The following FER1L5 variants were observed in gnomAD, a reference collection of about 807,000 sequenced individuals.
FER1L5 encodes fer-1-like protein 5.
A neutral mutation model predicts 279.9 loss-of-function variants in FER1L5; 187 were observed. That is an observed-to-expected ratio of 0.67 (90% CI 0.59 to 0.75). The LOEUF (loss-of-function observed/expected upper bound fraction) is 0.75. FER1L5 is among the 30% of genes least tolerant of loss of function. FER1L5 has a pLI of 0.00. For missense variants in FER1L5, 2,091 were observed against 2,594.4 expected (o/e 0.81, Z 4.21); for synonymous variants, 921 against 989.7 (o/e 0.93, Z 1.30).
chr2:96,673,133 G>C lies in FER1L5; in HGVS notation c.1548G>C (p.Met516Ile). 1 of 1,551,590 alleles carries C rather than the reference G, an allele frequency of 6.4e-7. No homozygotes were observed. Among genetic ancestry groups the C allele is most frequent in the East Asian group, 2.4e-5 (1 of 40,924 alleles). The change falls in exon 19 of 53, where the codon ATG becomes ATC. Residue 516 changes from methionine (M) to isoleucine (I), a missense_variant. Coordinates refer to ENST00000624922, the MANE Select transcript of FER1L5 (RefSeq NM_001293083.2). Reference protein sequence around the residue: ...GLCVIFLSCTMMPNFKELIHF... With the variant: ...GLCVIFLSCTIMPNFKELIHF... ...GCGTCATCTTCCTTTCCTGTACCATGATGCCCAACTTTAAAGAGCTGATCC... is the reference window on the plus strand; with the variant it reads ...GCGTCATCTTCCTTTCCTGTACCATCATGCCCAACTTTAAAGAGCTGATCC...
chr2:96,698,919 G>A lies in FER1L5; in HGVS notation c.4518+87G>A. On this transcript the variant is annotated intron_variant, in intron 41 of 52. Coordinates refer to ENST00000624922, the MANE Select transcript of FER1L5 (RefSeq NM_001293083.2). This position sits in a 1 kb window ranked among gnomAD's most constrained non-coding sequence, Gnocchi z 5.5. ...AGCCCCCTCCGACTGCTGACACACA[G>A]AATGCCAACTCCCCATAGGCTCCGT... 1 of 1,532,052 alleles carries A rather than the reference G, an allele frequency of 6.5e-7. No homozygotes were observed. Among genetic ancestry groups the A allele is most frequent in the Non-Finnish European group, 8.8e-7 (1 of 1,131,098 alleles). 94.9% of individuals were successfully genotyped at this position (1,532,052 alleles called of 1,614,324 possible).
Position 96,651,986 on chromosome 2 carries a change from G to A in FER1L5, c.599G>A (p.Arg200His), listed in dbSNP as rs928481263. ...ATCGCAGGCCAGCAGCACCAGACAC[G>A]CATCAAGATGGGAAACAACCCTTTC... Reference protein sequence around the residue: ...VSIAGQQHQTRIKMGNNPFFN... With the variant: ...VSIAGQQHQTHIKMGNNPFFN... The change falls in exon 7 of 53, where the codon CGC becomes CAC. Residue 200 changes from arginine (R) to histidine (H), a missense_variant. Transcript: ENST00000624922. 1.5e-5 allele frequency: 24 copies of A among 1,551,678 alleles called. No individual in the cohort carries two copies. The highest frequency in any genetic ancestry group is 1.7e-5 in the Non-Finnish European group (20 of 1,147,012).
In FER1L5 at chr2:96,659,683, A is replaced by G. The variant is rs544790515; in HGVS notation, c.748-658A>G. On this transcript the variant is annotated intron_variant, in intron 9 of 52. Transcript: ENST00000624922. The stretch of plus-strand genomic sequence containing the variant: ...ATTTTTTGTATTTTTAGTAGAGACA[A>G]GGTTTCACTGCGTTAGCCAGGATGG... 6.0e-5 allele frequency among the ~76,000 whole-genome samples: 9 copies of G among 148,972 alleles called. No individual in the cohort carries two copies. In the South Asian group the frequency reaches 1.9e-3, roughly 32 times the overall value.
chr2:96,646,971 T>C (rs1236950145), intron 2 of FER1L5, 93 bp from the exon 3 acceptor site: 4 of 1,304,908 alleles, frequency 3.1e-6, no homozygotes, highest in Non-Finnish European at 3.2e-6. Context: ...AGAAATGCAG[T>C]GCCAGCCCGT....
intron 14 of FER1L5, among the ~76,000 whole-genome samples, chr2:96,667,250 GT>G (rs2076156170): frequency 6.6e-6 from 1 of 152,070 alleles, no homozygotes; most frequent in Non-Finnish European, 1.5e-5. Context: ...GGTTCATGAG[GT>G]TTTTAGGAGA....
Position 96,691,571 on chromosome 2 carries a change from G to A in FER1L5, c.3034G>A (p.Asp1012Asn). The A allele has an allele frequency of 6.5e-7, 1 of 1,547,114 alleles. No individual in the cohort carries two copies. Among genetic ancestry groups the A allele is most frequent in the African/African-American group, 1.4e-5 (1 of 73,038 alleles). Residue 1012 changes from aspartate to asparagine, a missense_variant, in exon 29 of 53, where the codon GAC becomes AAC. Physicochemically the swap from Asp to Asn is conservative, Grantham distance 23. Coordinates refer to ENST00000624922, the MANE Select transcript of FER1L5 (RefSeq NM_001293083.2). This position sits in a 1 kb window ranked among gnomAD's most constrained non-coding sequence, Gnocchi z 6.0. The stretch of plus-strand genomic sequence containing the variant: ...GCGCCGCAGGCTGGCCCCCAACAAG[G>A]ACAAGGGCATCGCGCCCATATTCCT... ...CWRRRLAPNKDKGIAPIFLLE... is the reference protein window; with the variant it reads ...CWRRRLAPNKNKGIAPIFLLE...
In FER1L5 at chr2:96,682,757, A is replaced by G. The variant is rs149023641; in HGVS notation, c.1670-1570A>G. Among the ~76,000 whole-genome samples the G allele has an allele frequency of 9.1e-3, 1,392 of 152,264 alleles. 17 individuals carry two copies. The highest frequency in any genetic ancestry group is 0.031 in the African/African-American group (1,282 of 41,534). ...GTCTCACTCTGTCACCCAGGCTGCA[A>G]TGCAGTGGCATGATCATGGCTCATT... On this transcript the variant is annotated intron_variant, in intron 19 of 52. Transcript: ENST00000624922.
At position 96,661,778 on chromosome 2, in the gene FER1L5, G is replaced by A; in HGVS notation, c.1005G>A (p.Glu335=). Reference sequence around the variant, plus strand: ...TACAGCTCTTCATCTACTGCGCAGAGGACCTTCACCTCAGTTAGAGTCTGG... The same window carrying A: ...TACAGCTCTTCATCTACTGCGCAGAAGACCTTCACCTCAGTTAGAGTCTGG... The part of the protein sequence containing the change: ...AYLQLFIYCA[E]DLHLKKHQSV... Residue 335 remains glutamate, a synonymous_variant, in exon 12 of 53, where the codon GAG becomes GAA. Transcript: ENST00000624922. The A allele has an allele frequency of 6.4e-7, 1 of 1,551,700 alleles. No individual in the cohort carries two copies. The highest frequency in any genetic ancestry group is 8.7e-7 in the Non-Finnish European group (1 of 1,146,996).
chr2:96,683,841 C>G (rs2076823427), intron 19 of FER1L5, among the ~76,000 whole-genome samples: 7 of 152,230 alleles, frequency 4.6e-5, no homozygotes, highest in Admixed American at 4.6e-4. Flanking sequence ...TACGTTTGGT[C>G]TCACTTCCAC....
In FER1L5 at chr2:96,691,740, T is replaced by C; in HGVS notation, c.3076-85T>C. On this transcript the variant is annotated intron_variant, in intron 29 of 52. Transcript: ENST00000624922. The surrounding 1 kb of genome is among the most constrained non-coding windows in gnomAD (Gnocchi z 6.0). Reference sequence around the variant, plus strand: ...TTCCTCAGGCTTGCGAGGGTGGCAGTGTGAGGGAGGAGGGTGACTGGGCCT... The same window carrying C: ...TTCCTCAGGCTTGCGAGGGTGGCAGCGTGAGGGAGGAGGGTGACTGGGCCT... 2 of 1,550,884 alleles carry C rather than the reference T, an allele frequency of 1.3e-6. No homozygotes were observed. Among genetic ancestry groups the C allele is most frequent in the South Asian group, 2.4e-5 (2 of 83,900 alleles).
intron 45 of FER1L5, among the ~76,000 whole-genome samples, chr2:96,701,467 C>T (rs1283934420): frequency 6.6e-6 from 1 of 152,202 alleles, no homozygotes; most frequent in Non-Finnish European, 1.5e-5. Flanking sequence ...TCCTCCTTCT[C>T]ATCCCTTACC....
chr2:96,668,708 A>T, intron 14 of FER1L5, 43 bp from the exon 15 acceptor site: 2 of 1,550,564 alleles, frequency 1.3e-6, no homozygotes, highest in South Asian at 2.4e-5. Flanking sequence ...GGGCCAGACC[A>T]TCCCAATGTG....
At chr2:96,664,562 G>C (rs946696745) in intron 14 of FER1L5, among the ~76,000 whole-genome samples, 2 of 152,144 alleles carry the variant, frequency 1.3e-5, no homozygotes, top group Non-Finnish European at 2.9e-5. Context: ...TCCATTGTAT[G>C]GATGTACCAC....
At chr2:96,662,127 G>C in intron 12 of FER1L5, 88 bp from the exon 13 acceptor site, 1 of 1,327,934 alleles carries the variant, frequency 7.5e-7, no homozygotes, top group East Asian at 2.5e-5. Context: ...AATTATAGGG[G>C]AGGGTTTTCA....
At chr2:96,647,422 C>A (rs1314083048) in intron 3 of FER1L5, among the ~76,000 whole-genome samples, 2 of 152,226 alleles carry the variant, frequency 1.3e-5, no homozygotes, top group African/African-American at 4.8e-5. Flanking sequence ...CCAACCCCGG[C>A]TTCTTATCAC....
intron 14 of FER1L5, 57 bp from the exon 15 acceptor site, chr2:96,668,694 A>G (rs2076215080): frequency 9.1e-6 from 14 of 1,546,312 alleles, no homozygotes; most frequent in African/African-American, 1.4e-5. Flanking sequence ...TAAAATCTCC[A>G]CGAGGGCCAG....
chr2:96,661,071 G>A (rs2075936787), intron 10 of FER1L5, among the ~76,000 whole-genome samples: 1 of 152,186 alleles, frequency 6.6e-6, no homozygotes. Flanking sequence ...TCCAGACCAG[G>A]CCACAGTGAG....
chr2:96,685,504 G>T, intron 21 of FER1L5, 75 bp downstream of exon 21: 1 of 1,254,862 alleles, frequency 8.0e-7, no homozygotes, highest in Admixed American at 2.4e-5. Flanking sequence ...TCAGCGCAGT[G>T]CCCTGAACAC....
At chr2:96,666,037 G>T (rs2076114910) in intron 14 of FER1L5, among the ~76,000 whole-genome samples, 1 of 151,872 alleles carries the variant, frequency 6.6e-6, no homozygotes, top group African/African-American at 2.4e-5. Flanking sequence ...GGGCCCTTTG[G>T]ATACTGGCCT....
Sources: gnomAD v4.1 joint callset for allele counts (sites outside exome capture counted in the v4.1 genomes callset) on GRCh38, gnomAD v4.1.1 for gene constraint, Gnocchi (gnomAD v3.1) non-coding constraint, MANE v1.5 for transcripts, NCBI Gene and HGNC (gene_info 2026-07-23, HGNC 2026-07-21) for gene names.